The following PRKCA variants were observed in gnomAD, a reference collection of about 807,000 sequenced individuals.
The protein encoded by PRKCA is protein kinase C alpha, also known as protein kinase C alpha type.
PRKCA carries 27 observed loss-of-function variants against 87.0 expected under a neutral mutation model. That is an observed-to-expected ratio of 0.31 (90% CI 0.23 to 0.43). The LOEUF is 0.43. PRKCA is among the 20% of genes least tolerant of loss of function. The pLI is 1.00. For missense variants in PRKCA, 518 were observed against 852.3 expected, an observed-to-expected ratio of 0.61 and a Z score of 4.88; for synonymous variants, 329 against 311.1, an observed-to-expected ratio of 1.06 and a Z score of -0.61.
chr17:66,368,321 T>TATA (rs1908853503), intron 2 of PRKCA, among the ~76,000 whole-genome samples: 1 of 125,682 alleles, frequency 8.0e-6, no homozygotes, highest in African/African-American at 3.0e-5. Context: ...TGTGTTTATC[T>TATA]ATATGTGTGT....
chr17:66,446,083 G>T (rs931309932), intron 2 of PRKCA, among the ~76,000 whole-genome samples: 2 of 152,100 alleles, frequency 1.3e-5, no homozygotes, highest in Non-Finnish European at 2.9e-5. Context: ...CTAAGTGCTG[G>T]GATTACAGGC....
intron 3 of PRKCA, among the ~76,000 whole-genome samples, chr17:66,508,745 T>A (rs939772793): frequency 3.6e-4 from 55 of 152,230 alleles, no homozygotes; most frequent in Admixed American, 1.0e-3. Flanking sequence ...CCACTGTCTT[T>A]GTGAAGGCCT....
chr17:66,425,017 C>T (rs138664554), intron 2 of PRKCA, among the ~76,000 whole-genome samples: 77 of 152,268 alleles, frequency 5.1e-4, no homozygotes, highest in African/African-American at 1.7e-3. Flanking sequence ...CCTCCTTGGC[C>T]TCCCAATGTG....
intron 2 of PRKCA, among the ~76,000 whole-genome samples, chr17:66,427,025 TA>T (rs918176266): frequency 5.0e-4 from 76 of 152,024 alleles, no homozygotes; most frequent in Non-Finnish European, 7.4e-4. Context: ...ACCAGCCACT[TA>T]AAAAAAAATT....
At chr17:66,332,852 TG>T in intron 2 of PRKCA, among the ~76,000 whole-genome samples, 1 of 152,068 alleles carries the variant, frequency 6.6e-6, no homozygotes, top group East Asian at 1.9e-4. Context: ...CCACCACGCC[TG>T]GCTAATTTTT....
chr17:66,779,874 C>T lies in PRKCA; in HGVS notation c.1605+5807C>T, dbSNP rs183057030. On this transcript the variant is annotated intron_variant, in intron 14 of 16. Coordinates refer to ENST00000413366, the MANE Select transcript of PRKCA (RefSeq NM_002737.3). ...AAACCATGGGAATGGGGGAAAGAGG[C>T]GAGAGAAGGCATCCAAAATGGTAAT... Among the ~76,000 whole-genome samples the T allele has an allele frequency of 6.6e-5, 10 of 152,076 alleles. No homozygotes were observed. In the East Asian group the frequency reaches 1.7e-3, roughly 27 times the overall value.
chr17:66,366,027 A>G (rs1308575533), intron 2 of PRKCA, among the ~76,000 whole-genome samples: 1 of 152,148 alleles, frequency 6.6e-6, no homozygotes, highest in East Asian at 1.9e-4. Flanking sequence ...TATGCTTTGT[A>G]CTTTTGAAGT....
intron 15 of PRKCA, among the ~76,000 whole-genome samples, chr17:66,787,804 G>T: frequency 6.6e-6 from 1 of 152,054 alleles, no homozygotes; most frequent in East Asian, 1.9e-4. Context: ...TTACAGTGTT[G>T]CTCCTGGCCT....
chr17:66,653,791 T>TAA (rs550316151), intron 5 of PRKCA, among the ~76,000 whole-genome samples: 5,500 of 101,860 alleles, frequency 0.054, 163 homozygotes, highest in East Asian at 0.13. Flanking sequence ...TTCCAGCTCT[T>TAA]AAAAAAAAAA....
intron 16 of PRKCA, among the ~76,000 whole-genome samples, chr17:66,790,990 G>GT (rs1213175994): frequency 4.4e-5 from 6 of 135,258 alleles, no homozygotes; most frequent in Non-Finnish European, 9.3e-5. Context: ...ACTGTTTGCT[G>GT]GTTTTTTTTT....
At chr17:66,753,260 C>G (rs1397550906) in intron 13 of PRKCA, among the ~76,000 whole-genome samples, 1 of 152,182 alleles carries the variant, frequency 6.6e-6, no homozygotes, top group African/African-American at 2.4e-5. Flanking sequence ...CTCTCCGACC[C>G]CTTTTAGACA....
At chr17:66,359,224 T>G (rs9899226) in intron 2 of PRKCA, among the ~76,000 whole-genome samples, 145,374 of 152,228 alleles carry the variant, frequency 0.95, 69,652 homozygotes, top group East Asian at 1. Flanking sequence ...TCAATAAAGA[T>G]CTTCTCAGAA....
At chr17:66,542,105 A>G (rs1487249935) in intron 3 of PRKCA, among the ~76,000 whole-genome samples, 1 of 152,206 alleles carries the variant, frequency 6.6e-6, no homozygotes, top group African/African-American at 2.4e-5. Context: ...TAAAATTACT[A>G]GTTAATGTTT....
intron 8 of PRKCA, among the ~76,000 whole-genome samples, chr17:66,691,289 T>C (rs1972780121): frequency 6.6e-6 from 1 of 152,206 alleles, no homozygotes; most frequent in Admixed American, 6.5e-5. Flanking sequence ...ATTATTTGTA[T>C]AGTTATATAT....
chr17:66,674,446 T>G (rs2143965645), intron 5 of PRKCA, among the ~76,000 whole-genome samples: 1 of 152,310 alleles, frequency 6.6e-6, no homozygotes, highest in East Asian at 1.9e-4. Flanking sequence ...AGACTAACCT[T>G]GTTGGTGTGG....
intron 13 of PRKCA, among the ~76,000 whole-genome samples, chr17:66,746,713 C>T (rs75166399): frequency 1.3e-5 from 2 of 152,134 alleles, no homozygotes; most frequent in Non-Finnish European, 2.9e-5. Flanking sequence ...TTGAAATGGA[C>T]ACCCACAGAA....
intron 8 of PRKCA, among the ~76,000 whole-genome samples, chr17:66,702,416 G>A (rs1973086839): frequency 6.6e-6 from 1 of 152,116 alleles, no homozygotes; most frequent in Non-Finnish European, 1.5e-5. Flanking sequence ...GGTTACCATG[G>A]GTTGAGCAGG....
At chr17:66,391,271 T>C (rs1443137574) in intron 2 of PRKCA, among the ~76,000 whole-genome samples, 1 of 152,244 alleles carries the variant, frequency 6.6e-6, no homozygotes, top group African/African-American at 2.4e-5. Flanking sequence ...TCAACTTGCA[T>C]ATACTTTGTT....
rs765242382 is a variant in PRKCA at position 66,776,819 on chromosome 17, G to A, written c.1605+2752G>A. On this transcript the variant is annotated intron_variant, in intron 14 of 16. Coordinates refer to ENST00000413366, the MANE Select transcript of PRKCA (RefSeq NM_002737.3). ...TCTTCCCTTGGGTTGGGCTGTCTGC[G>A]TGCGCAGTGGCCTGCTAGTGCTTGG... Among the ~76,000 whole-genome samples, 105 of 152,314 alleles carry A rather than the reference G, an allele frequency of 6.9e-4. 1 individual carries two copies. The highest frequency in any genetic ancestry group is 1.2e-3 in the Non-Finnish European group (84 of 68,028).
Sources: gnomAD v4.1 joint callset for allele counts (sites outside exome capture counted in the v4.1 genomes callset) on GRCh38, gnomAD v4.1.1 for gene constraint, MANE v1.5 for transcripts, NCBI Gene and HGNC (gene_info 2026-07-23, HGNC 2026-07-21) for gene names.